MDFIC: variants seen among roughly 807,000 people sequenced by gnomAD.
MDFIC encodes myoD family inhibitor domain-containing protein.
Under a neutral mutation model 23.2 loss-of-function variants are expected in MDFIC, and 17 were observed. The ratio of observed to expected loss-of-function variants is 0.73; its 90% CI spans 0.50 to 1.10. MDFIC has a LOEUF of 1.10. Ranked by LOEUF, MDFIC falls within the 50% of genes least tolerant of loss-of-function variation. The pLI is 0.00. For missense variants in MDFIC, 356 were observed against 316.6 expected, an observed-to-expected ratio of 1.12 and a Z score of -0.95; for synonymous variants, 120 against 115.2, an observed-to-expected ratio of 1.04 and a Z score of -0.27.
intron 2 of MDFIC, among the ~76,000 whole-genome samples, chr7:114,932,915 T>A (rs1406156854): frequency 6.6e-6 from 1 of 152,230 alleles, no homozygotes; most frequent in Non-Finnish European, 1.5e-5. Flanking sequence ...TATTTGTGCC[T>A]TTGCCACTAT....
chr7:114,976,658 A>C (rs986098994), intron 3 of MDFIC, among the ~76,000 whole-genome samples: 1 of 150,432 alleles, frequency 6.6e-6, no homozygotes, highest in African/African-American at 2.5e-5. Context: ...AGTTTTTATA[A>C]ATCAGATATT....
intron 4 of MDFIC, chr7:115,014,037 C>T: frequency 3.0e-6 from 3 of 985,384 alleles, no homozygotes; most frequent in Non-Finnish European, 3.6e-6. Context: ...AAGGAAAGAA[C>T]AGTGTGTCCT....
intron 3 of MDFIC, among the ~76,000 whole-genome samples, chr7:114,945,937 G>A (rs764090368): frequency 2.6e-5 from 4 of 152,094 alleles, no homozygotes; most frequent in Admixed American, 6.5e-5. Flanking sequence ...GAATTTATAA[G>A]AGCACCAACT....
At chr7:114,972,759 C>T (rs1442774445) in intron 3 of MDFIC, among the ~76,000 whole-genome samples, 2 of 151,968 alleles carry the variant, frequency 1.3e-5, no homozygotes, top group Non-Finnish European at 2.9e-5. Flanking sequence ...CTCCCGTGTA[C>T]AGGCATGTGC....
intron 4 of MDFIC, chr7:115,014,557 C>G: frequency 1.6e-6 from 2 of 1,269,098 alleles, no homozygotes; most frequent in Non-Finnish European, 1.0e-6. Flanking sequence ...GTTGTTGTGT[C>G]TTATCGCTAT....
chr7:114,983,301 C>T (rs2115981289), intron 4 of MDFIC, among the ~76,000 whole-genome samples: 1 of 152,204 alleles, frequency 6.6e-6, no homozygotes, highest in East Asian at 1.9e-4. Flanking sequence ...TAAATTTTAT[C>T]AACAACTGGA....
At chr7:114,994,910 G>A (rs1791288556) in intron 4 of MDFIC, among the ~76,000 whole-genome samples, 1 of 152,088 alleles carries the variant, frequency 6.6e-6, no homozygotes, top group Admixed American at 6.5e-5. Flanking sequence ...GCTAGGTTGG[G>A]GATGTTCTCC....
chr7:115,003,114 TCACTTC>T (rs1791496308), intron 4 of MDFIC, among the ~76,000 whole-genome samples: 1 of 152,198 alleles, frequency 6.6e-6, no homozygotes, highest in South Asian at 2.1e-4. Flanking sequence ...TTGTTCTCTC[TCACTTC>T]CATGGGATCT....
At chr7:115,002,925 T>C (rs1335951211) in intron 4 of MDFIC, among the ~76,000 whole-genome samples, 1 of 152,160 alleles carries the variant, frequency 6.6e-6, no homozygotes, top group Admixed American at 6.5e-5. Context: ...TCATGGACTT[T>C]GCATCCTCAG....
intron 4 of MDFIC, among the ~76,000 whole-genome samples, chr7:114,993,754 G>C (rs1442410900): frequency 6.6e-6 from 1 of 152,188 alleles, no homozygotes; most frequent in Non-Finnish European, 1.5e-5. Context: ...TTGCTGAGGA[G>C]TGCTTTACTT....
At chr7:114,987,862 G>A (rs1255741569) in intron 4 of MDFIC, among the ~76,000 whole-genome samples, 1 of 152,028 alleles carries the variant, frequency 6.6e-6, no homozygotes, top group Non-Finnish European at 1.5e-5. Flanking sequence ...TTTCTGTAGG[G>A]CCAAAAGTAA....
chr7:114,953,880 T>C (rs1396839624), intron 3 of MDFIC, among the ~76,000 whole-genome samples: 4 of 152,182 alleles, frequency 2.6e-5, no homozygotes, highest in Non-Finnish European at 1.5e-5. Flanking sequence ...GTCTAGGGAA[T>C]AATTAAAGAA....
At chr7:115,008,534 G>A (rs1394585785) in intron 4 of MDFIC, among the ~76,000 whole-genome samples, 1 of 152,202 alleles carries the variant, frequency 6.6e-6, no homozygotes, top group East Asian at 1.9e-4. Flanking sequence ...AGAGCGTTCT[G>A]TGTAGGAGGC....
intron 3 of MDFIC, among the ~76,000 whole-genome samples, chr7:114,948,265 A>G (rs142598019): frequency 1.8e-4 from 27 of 152,258 alleles, no homozygotes; most frequent in African/African-American, 6.3e-4. Context: ...TGGTTTATTC[A>G]TGTCAAGTTT....
intron 3 of MDFIC, among the ~76,000 whole-genome samples, chr7:114,972,312 G>C (rs1223365414): frequency 2.0e-5 from 3 of 152,082 alleles, no homozygotes; most frequent in South Asian, 4.1e-4. Flanking sequence ...CATTACTCCT[G>C]ATACAAAGGT....
chr7:115,014,370 A>T lies in MDFIC; in HGVS notation c.494-1318A>T, dbSNP rs1015372078. Reference sequence around the variant, plus strand: ...TGTCAATTCACATCTACTTGCAGTTATATGGCATTCTATAGAGAAGCGCAT... The same window carrying T: ...TGTCAATTCACATCTACTTGCAGTTTTATGGCATTCTATAGAGAAGCGCAT... On this transcript the variant is annotated intron_variant, in intron 4 of 4. Transcript: ENST00000393486. 5 of 1,284,384 alleles carry T rather than the reference A, an allele frequency of 3.9e-6. No homozygotes were observed. The African/African-American group carries it at 7.6e-5, about 20-fold the overall frequency. The allele number at this position is 1,284,384 out of a possible 1,614,324, so 79.6% of individuals were successfully genotyped here.
intron 3 of MDFIC, among the ~76,000 whole-genome samples, chr7:114,945,976 C>T (rs1792635826): frequency 6.6e-6 from 1 of 152,066 alleles, no homozygotes; most frequent in African/African-American, 2.4e-5. Context: ...CTCAGATTAG[C>T]GTATATGGTA....
chr7:114,945,577 G>A (rs933633363), intron 3 of MDFIC, among the ~76,000 whole-genome samples: 7 of 152,130 alleles, frequency 4.6e-5, no homozygotes, highest in African/African-American at 1.7e-4. Context: ...ACATATTACA[G>A]AGAATACATT....
intron 4 of MDFIC, among the ~76,000 whole-genome samples, chr7:114,992,256 C>A (rs539305601): frequency 6.6e-6 from 1 of 152,160 alleles, no homozygotes; most frequent in Non-Finnish European, 1.5e-5. Context: ...TGGGCTGAGA[C>A]GATGGGGTTT....
Sources: allele counts gnomAD v4.1 joint callset (sites outside exome capture counted in the v4.1 genomes callset), GRCh38; gene constraint gnomAD v4.1.1; transcripts MANE v1.5; gene names NCBI Gene and HGNC (gene_info 2026-07-23, HGNC 2026-07-21).